Variants in SLC12A6 observed in about 807,000 individuals in gnomAD.
SLC12A6 encodes solute carrier family 12 member 6.
In SLC12A6, 66 loss-of-function variants were observed where a neutral mutation model predicts 135.3. The ratio of observed to expected loss-of-function variants is 0.49; its 90% CI spans 0.40 to 0.60. SLC12A6 has a LOEUF of 0.60. Among genes scored for constraint, SLC12A6 ranks in the 20% least tolerant of loss-of-function variants. The probability of loss-of-function intolerance (pLI) is 0.00; values close to 1 mark genes in which losing one functional copy is unlikely to be tolerated. For missense variants in SLC12A6, 1,058 were observed against 1,452.3 expected (o/e 0.73, Z 4.41); for synonymous variants, 513 against 508.8 (o/e 1.01, Z -0.11).
chr15:34,309,649 C>T (rs1259810234), intron 2 of SLC12A6, among the ~76,000 whole-genome samples: 1 of 151,852 alleles, frequency 6.6e-6, no homozygotes, highest in African/African-American at 2.4e-5. Flanking sequence ...TGAAAGGAAT[C>T]AAATTTGTAT....
At chr15:34,270,606 T>C (rs1194574495) in intron 3 of SLC12A6, among the ~76,000 whole-genome samples, 1 of 151,916 alleles carries the variant, frequency 6.6e-6, no homozygotes, top group East Asian at 1.9e-4. Flanking sequence ...AGTTTGAGAC[T>C]AGACTGGACA....
At position 34,251,031 on chromosome 15, in the gene SLC12A6, T is replaced by G. The variant is rs759312929; in HGVS notation, c.1360A>C (p.Lys454Gln). ...TENLWSNYLPKGEIIEKPSAK... is the reference protein window; with the variant it reads ...TENLWSNYLPQGEIIEKPSAK... ...GAAGGCTTTTCGATGATCTCTCCCT[T>G]GGGTAGGTAATTACTCCAAAGATTC... The change falls in exon 11 of 26, where the codon AAG becomes CAG. Residue 454 changes from lysine (K) to glutamine (Q), a missense_variant. Transcript: ENST00000354181. 18 of 1,611,072 alleles carry G rather than the reference T, an allele frequency of 1.1e-5. No homozygotes were observed. The South Asian group carries it at 2.0e-4, about 18-fold the overall frequency.
chr15:34,237,287 G>GT lies in SLC12A6; in HGVS notation c.2934+131dup, dbSNP rs35994446. 0.54 allele frequency: 298,786 copies of GT among 550,568 alleles called. 56,485 individuals are homozygous for GT. The highest frequency in any genetic ancestry group is 0.61 in the Admixed American group (18,382 of 30,050). 34.1% of individuals were successfully genotyped at this position (550,568 alleles called of 1,614,324 possible). A position where few individuals can be genotyped will look rare whatever the true frequency, so the allele number is the denominator to read the frequency against. ...GGGCAACAAATTAGGGTTTTTTTTT[G>GT]TTTTTTTTTTGGCACTAGGGGATTA... On this transcript the variant is annotated intron_variant, in intron 22 of 25. Transcript: ENST00000354181.
intron 3 of SLC12A6, among the ~76,000 whole-genome samples, chr15:34,262,433 CACA>C (rs147190329): frequency 0.041 from 6,310 of 152,150 alleles, 413 homozygotes; most frequent in African/African-American, 0.14. Flanking sequence ...TTGATATCAG[CACA>C]ACCTCATTCT....
At chr15:34,237,954 A>AT (rs2140648009) in intron 21 of SLC12A6, among the ~76,000 whole-genome samples, 1 of 152,302 alleles carries the variant, frequency 6.6e-6, no homozygotes, top group South Asian at 2.1e-4. Flanking sequence ...AGTTTTCAGT[A>AT]TTTTTTAAAA....
At chr15:34,287,634 C>T (rs545629937) in intron 2 of SLC12A6, among the ~76,000 whole-genome samples, 2 of 152,312 alleles carry the variant, frequency 1.3e-5, no homozygotes, top group South Asian at 4.1e-4. Flanking sequence ...ACCTCTCCAG[C>T]ATGTGTTGTT....
intron 1 of SLC12A6, chr15:34,337,030 G>C (rs1158350023): frequency 5.7e-6 from 2 of 352,532 alleles, no homozygotes; most frequent in Non-Finnish European, 1.1e-5. Flanking sequence ...ATGGTCTCAG[G>C]GCAGCAGATG....
chr15:34,298,094 C>T (rs1895993679), intron 2 of SLC12A6, among the ~76,000 whole-genome samples: 1 of 152,048 alleles, frequency 6.6e-6, no homozygotes, highest in African/African-American at 2.4e-5. Flanking sequence ...AAAACAGTGA[C>T]CATTTGCTCT....
rs762859105 is a variant in SLC12A6 at position 34,275,372 on chromosome 15, T to A, written c.289A>T (p.Ile97Phe). The A allele has an allele frequency of 2.0e-5, 31 of 1,543,856 alleles. No homozygotes were observed. The South Asian group carries it at 3.5e-4, about 17-fold the overall frequency. Residue 97 changes from isoleucine (I) to phenylalanine (F), a missense_variant, in exon 3 of 26, where the codon ATC (isoleucine) becomes TTC (phenylalanine). Ile to Phe is a conservative substitution (Grantham distance 21, BLOSUM62 0). This residue lies in a region of SLC12A6 where 176 missense variants were observed against 168.9 expected (regional missense o/e 1.04). Coordinates refer to ENST00000354181, the MANE Select transcript of SLC12A6 (RefSeq NM_001365088.1). Reference protein sequence around the residue: ...DVIEDLSQNSITGEHSQLLDD... With the variant: ...DVIEDLSQNSFTGEHSQLLDD... ...AACAGTTGGCTGTGTTCCCCTGTGA[T>A]GGAGTTCTGACTCAGGTCTGAAAAA...
intron 3 of SLC12A6, among the ~76,000 whole-genome samples, chr15:34,274,107 T>C (rs752511547): frequency 2.6e-5 from 4 of 152,152 alleles, no homozygotes; most frequent in Non-Finnish European, 5.9e-5. Context: ...CACTTGGAAA[T>C]ACATGCTCAT....
At chr15:34,314,394 A>G (rs540989245) in intron 2 of SLC12A6, among the ~76,000 whole-genome samples, 2 of 152,306 alleles carry the variant, frequency 1.3e-5, no homozygotes, top group South Asian at 4.1e-4. Flanking sequence ...CTGCCCAGGA[A>G]AAAAAGATTT....
intron 2 of SLC12A6, among the ~76,000 whole-genome samples, chr15:34,324,964 A>G (rs921824605): frequency 1.3e-5 from 2 of 152,298 alleles, no homozygotes; most frequent in Admixed American, 6.5e-5. Context: ...ATAAGCCCCA[A>G]TTTGTTATTA....
intron 2 of SLC12A6, among the ~76,000 whole-genome samples, chr15:34,323,368 C>T (rs925131985): frequency 6.6e-5 from 10 of 152,190 alleles, no homozygotes; most frequent in African/African-American, 9.7e-5. Context: ...CTGTTAGGAA[C>T]GGGGCCCGCA....
chr15:34,240,366 A>G (rs906252655), intron 19 of SLC12A6, among the ~76,000 whole-genome samples: 7 of 152,210 alleles, frequency 4.6e-5, no homozygotes, highest in Non-Finnish European at 8.8e-5. Context: ...CAAGGGATCA[A>G]TTTATTTACA....
At chr15:34,332,444 C>A (rs953663278) in intron 2 of SLC12A6, among the ~76,000 whole-genome samples, 1 of 152,170 alleles carries the variant, frequency 6.6e-6, no homozygotes, top group African/African-American at 2.4e-5. Flanking sequence ...CTCATACATA[C>A]CAGCGTCTCA....
Position 34,229,866 on chromosome 15 carries a change from A to C in SLC12A6, c.*4015T>G. Reference sequence around the variant, plus strand: ...TCTTTAAGCCCAGTGGCTCCTCAGCATACTCTTAAACTAATCACTTATGTT... The same window carrying C: ...TCTTTAAGCCCAGTGGCTCCTCAGCCTACTCTTAAACTAATCACTTATGTT... On this transcript the variant is annotated 3_prime_UTR_variant, in exon 26 of 26. Coordinates refer to ENST00000354181, the MANE Select transcript of SLC12A6 (RefSeq NM_001365088.1). The C allele has an allele frequency of 7.5e-7, 1 of 1,341,700 alleles. No individual in the cohort carries two copies. The highest frequency in any genetic ancestry group is 1.1e-6 in the Non-Finnish European group (1 of 932,276). The allele number at this position is 1,341,700 out of a possible 1,614,324, so 83.1% of individuals were successfully genotyped here.
chr15:34,271,000 A>T (rs1893891002), intron 3 of SLC12A6, among the ~76,000 whole-genome samples: 1 of 152,080 alleles, frequency 6.6e-6, no homozygotes, highest in South Asian at 2.1e-4. Context: ...TAAAACCATC[A>T]GATCTCATGA....
At chr15:34,328,220 A>C (rs376404417) in intron 2 of SLC12A6, among the ~76,000 whole-genome samples, 11 of 152,216 alleles carry the variant, frequency 7.2e-5, no homozygotes, top group Middle Eastern at 3.2e-3. Flanking sequence ...TTTTAAGAAG[A>C]AAAAAACTTC....
At chr15:34,246,432 C>T (rs751949285) in intron 13 of SLC12A6, among the ~76,000 whole-genome samples, 5 of 152,042 alleles carry the variant, frequency 3.3e-5, no homozygotes, top group South Asian at 4.1e-4. Flanking sequence ...TTAGAAAAAT[C>T]GCGATCTCAC....
Sources: gnomAD v4.1 joint callset for allele counts (sites outside exome capture counted in the v4.1 genomes callset) on GRCh38, gnomAD v4.1.1 for gene constraint, gnomAD v4.1.1 regional missense constraint, MANE v1.5 for transcripts, NCBI Gene and HGNC (gene_info 2026-07-23, HGNC 2026-07-21) for gene names.